Variants in KLF13 observed in about 807,000 individuals in gnomAD.
KLF13 encodes KLF transcription factor 13, also known as Krueppel-like factor 13.
A neutral mutation model predicts 16.7 loss-of-function variants in KLF13; 8 were observed. That is an observed-to-expected ratio of 0.48 (90% CI 0.28 to 0.87). The LOEUF (loss-of-function observed/expected upper bound fraction) is 0.87. Ranked by LOEUF, KLF13 falls within the 40% of genes least tolerant of loss-of-function variation. KLF13 has a pLI of 0.10. For synonymous variants in KLF13, 245 were observed against 208.4 expected (o/e 1.18, Z -1.51); for missense variants, 447 against 452.2 (o/e 0.99, Z 0.10).
Position 31,375,692 on chromosome 15 carries a change from A to G in KLF13, c.*3393A>G, listed in dbSNP as rs895504567. ...TAGGGGAACGGTTGTCAGCTCCCCA[A>G]ATGCCTACTGGATCCTACAGCCATA... On this transcript the variant is annotated 3_prime_UTR_variant, in exon 2 of 2. Coordinates refer to ENST00000307145, the MANE Select transcript of KLF13 (RefSeq NM_015995.4). The G allele has an allele frequency of 6.6e-6, 1 of 152,120 alleles. No homozygotes were observed. The highest frequency in any genetic ancestry group is 6.5e-5 in the Admixed American group (1 of 15,272). 9.4% of individuals were successfully genotyped at this position (152,120 alleles called of 1,614,324 possible). A position where few individuals can be genotyped will look rare whatever the true frequency, so the allele number is the denominator to read the frequency against.
At chr15:31,333,801 T>C (rs1318808289) in intron 1 of KLF13, among the ~76,000 whole-genome samples, 1 of 152,194 alleles carries the variant, frequency 6.6e-6, no homozygotes. Flanking sequence ...CTTTATTATG[T>C]TACGCTGGCA....
At position 31,343,376 on chromosome 15, in the gene KLF13, G is replaced by A. The variant is rs951704167; in HGVS notation, c.577+15587G>A. On this transcript the variant is annotated intron_variant, in intron 1 of 1. Transcript: ENST00000307145. ...GCAGTGCCCACAGACAAGGCTGGGT[G>A]CACACAGCCTCCCAAACAGCATCCT... 8.5e-5 allele frequency among the ~76,000 whole-genome samples: 13 copies of A among 152,360 alleles called. No homozygotes were observed. In the South Asian group the frequency reaches 2.7e-3, roughly 32 times the overall value.
At position 31,373,678 on chromosome 15, in the gene KLF13, T is replaced by TCCTGGGCTGGGATTCGAGC. The variant is rs1312658389; in HGVS notation, c.*1387_*1405dup. The TCCTGGGCTGGGATTCGAGC allele has an allele frequency of 2.0e-5, 3 of 151,952 alleles. No individual in the cohort carries two copies. The highest frequency in any genetic ancestry group is 4.8e-5 in the African/African-American group (2 of 41,340). 9.4% of individuals were successfully genotyped at this position (151,952 alleles called of 1,614,324 possible). On this transcript the variant is annotated 3_prime_UTR_variant, in exon 2 of 2. Transcript: ENST00000307145. The stretch of plus-strand genomic sequence containing the variant: ...AGGAGAGGAGGAGCAGAGAGCTGGG[T>TCCTGGGCTGGGATTCGAGC]CCTGGGCTGGGATTCGAGCCCTGGG...
intron 1 of KLF13, among the ~76,000 whole-genome samples, chr15:31,353,045 C>G (rs146874967): frequency 7.2e-5 from 11 of 152,326 alleles, no homozygotes; most frequent in Non-Finnish European, 1.6e-4. Flanking sequence ...GTGGGCCTTC[C>G]AGGGGAGGAG....
intron 1 of KLF13, chr15:31,420,052 G>GA (rs71110873): frequency 0.59 from 195,853 of 334,762 alleles, 59,165 homozygotes; most frequent in South Asian, 0.64. Flanking sequence ...AGTGCTGGAA[G>GA]AAAAAAACCT....
At chr15:31,345,614 G>A (rs1027634804) in intron 1 of KLF13, among the ~76,000 whole-genome samples, 5 of 152,180 alleles carry the variant, frequency 3.3e-5, no homozygotes, top group Non-Finnish European at 5.9e-5. Context: ...GAGGTGTACC[G>A]TTCCTTTGGC....
chr15:31,359,317 G>C (rs1470654450), intron 1 of KLF13, among the ~76,000 whole-genome samples: 2 of 152,212 alleles, frequency 1.3e-5, no homozygotes, highest in African/African-American at 4.8e-5. Context: ...CTTGAGAACG[G>C]AAATTTTCAA....
intron 1 of KLF13, among the ~76,000 whole-genome samples, chr15:31,434,238 T>G (rs2040504316): frequency 1.3e-5 from 2 of 152,130 alleles, no homozygotes; most frequent in Admixed American, 6.5e-5. Flanking sequence ...AGTGACTTGC[T>G]CAGGTTCACA....
Position 31,394,655 on chromosome 15 carries a change from T to C in KLF13, n.529+964T>C, listed in dbSNP as rs573321710. 3.9e-5 allele frequency among the ~76,000 whole-genome samples: 6 copies of C among 152,358 alleles called. No homozygotes were observed. The East Asian group carries it at 1.2e-3, about 29-fold the overall frequency. The stretch of plus-strand genomic sequence containing the variant: ...TCTAGGTGCATTTTTTCTATAACTT[T>C]TTTGAGATATAATTCACATATATAA... On this transcript the variant is annotated intron_variant and non_coding_transcript_variant, in intron 2 of 2. Coordinates refer to the KLF13 transcript ENST00000500533.
At chr15:31,331,126 A>G (rs1307729203) in intron 1 of KLF13, among the ~76,000 whole-genome samples, 1 of 152,224 alleles carries the variant, frequency 6.6e-6, no homozygotes, top group African/African-American at 2.4e-5. Context: ...TTGTTCCCAC[A>G]GAGAATTGTT....
intron 1 of KLF13, among the ~76,000 whole-genome samples, chr15:31,343,537 C>T (rs2039063878): frequency 6.6e-6 from 1 of 152,232 alleles, no homozygotes; most frequent in African/African-American, 2.4e-5. Context: ...TGGGGACCCA[C>T]AGGTGGCCTG....
intron 1 of KLF13, among the ~76,000 whole-genome samples, chr15:31,431,697 C>A (rs2040473769): frequency 6.6e-6 from 1 of 152,200 alleles, no homozygotes; most frequent in Non-Finnish European, 1.5e-5. Flanking sequence ...ATCTCCTGAC[C>A]TTGTGATCCT....
rs1312407110 is a variant in KLF13, at chr15:31,339,953, C to T, written c.577+12164C>T. Reference sequence around the variant, plus strand: ...CCTGCTCTGCCCACCCATGGATTATCTTGTAAAGAGTCACCTGCCCCATGG... The same window carrying T: ...CCTGCTCTGCCCACCCATGGATTATTTTGTAAAGAGTCACCTGCCCCATGG... On this transcript the variant is annotated intron_variant, in intron 1 of 1. Coordinates refer to ENST00000307145, the MANE Select transcript of KLF13 (RefSeq NM_015995.4). 15 of 702,400 alleles carry T rather than the reference C, an allele frequency of 2.1e-5. No individual in the cohort carries two copies. In the East Asian group the frequency reaches 3.0e-4, roughly 14 times the overall value. 43.5% of individuals were successfully genotyped at this position (702,400 alleles called of 1,614,324 possible).
chr15:31,425,143 A>C (rs1024926894), intron 1 of KLF13, among the ~76,000 whole-genome samples: 2 of 152,158 alleles, frequency 1.3e-5, no homozygotes, highest in Admixed American at 1.3e-4. Context: ...AAGAAGATAT[A>C]AATGCATGTA....
At chr15:31,381,488 G>A (rs1033589273), downstream of KLF13, among the ~76,000 whole-genome samples, 13 of 152,088 alleles carry the variant, frequency 8.5e-5, no homozygotes, top group Non-Finnish European at 1.6e-4. Context: ...ATTACCCTGT[G>A]CGGCTGAGAT....
chr15:31,417,660 G>T (rs2040270929), intron 1 of KLF13, among the ~76,000 whole-genome samples: 1 of 151,676 alleles, frequency 6.6e-6, no homozygotes, highest in Admixed American at 6.6e-5. Context: ...TCCTGTCTCA[G>T]CCTCCCGAGT....
At position 31,334,365 on chromosome 15, in the gene KLF13, C is replaced by G. The variant is rs118187832; in HGVS notation, c.577+6576C>G. Among the ~76,000 whole-genome samples the G allele has an allele frequency of 5.6e-4, 85 of 152,212 alleles. 2 individuals carry two copies. In the East Asian group the frequency reaches 0.014, roughly 26 times the overall value. ...CTAAGTCCTGGTGAGTCTTTATGTGCTTTCAAGAAATAAACAAAAATTGTC... is the reference window on the plus strand; with the variant it reads ...CTAAGTCCTGGTGAGTCTTTATGTGGTTTCAAGAAATAAACAAAAATTGTC... On this transcript the variant is annotated intron_variant, in intron 1 of 1. Transcript: ENST00000307145.
intron 2 of KLF13, among the ~76,000 whole-genome samples, chr15:31,399,004 C>A (rs2039996146): frequency 1.3e-5 from 2 of 152,188 alleles, no homozygotes; most frequent in African/African-American, 4.8e-5. Context: ...GTGTCCCTGG[C>A]AGAGTGCGAG....
In KLF13 at chr15:31,372,363, A is replaced by G; in HGVS notation, c.*64A>G. On this transcript the variant is annotated 3_prime_UTR_variant, in exon 2 of 2. Transcript: ENST00000307145. ...TGAGTCCCTGGCCTTTCCTTTTGTA[A>G]TAAGAAAGAAGAGAGAGAACTTGAT... 2 of 1,383,446 alleles carry G rather than the reference A, an allele frequency of 1.4e-6. No individual in the cohort carries two copies. The highest frequency in any genetic ancestry group is 1.9e-6 in the Non-Finnish European group (2 of 1,066,456). 85.7% of individuals were successfully genotyped at this position (1,383,446 alleles called of 1,614,324 possible).
Sources: gnomAD v4.1 joint callset for allele counts (sites outside exome capture counted in the v4.1 genomes callset) on GRCh38, gnomAD v4.1.1 for gene constraint, MANE v1.5 for transcripts, NCBI Gene and HGNC (gene_info 2026-07-23, HGNC 2026-07-21) for gene names.